EEFSEC: variants seen among roughly 807,000 people sequenced by gnomAD.
The protein encoded by EEFSEC is selenocysteine-specific elongation factor.
In EEFSEC, 43 loss-of-function variants were observed where a neutral mutation model predicts 42.1. That is an observed-to-expected ratio of 1.02 (90% CI 0.80 to 1.32). The LOEUF is 1.32. Among genes scored for constraint, EEFSEC ranks in the 40% most tolerant of loss-of-function variants. EEFSEC has a pLI of 0.00. For synonymous variants in EEFSEC, 354 were observed against 339.1 expected (o/e 1.04, Z -0.48); for missense variants, 745 against 803.6 (o/e 0.93, Z 0.88).
chr3:128,276,175 C>T (rs1240986464), intron 4 of EEFSEC, among the ~76,000 whole-genome samples: 1 of 152,190 alleles, frequency 6.6e-6, no homozygotes, highest in Admixed American at 6.5e-5. Flanking sequence ...CAGCCTCTGC[C>T]CTTGACAGTG....
chr3:128,172,835 C>T (rs555458581), intron 1 of EEFSEC, among the ~76,000 whole-genome samples: 4 of 152,314 alleles, frequency 2.6e-5, no homozygotes, highest in South Asian at 2.1e-4. Flanking sequence ...GCCATGCTGC[C>T]GCCTCGATCC....
chr3:128,163,696 T>C (rs1001992572), intron 1 of EEFSEC, among the ~76,000 whole-genome samples: 8 of 151,980 alleles, frequency 5.3e-5, no homozygotes, highest in Non-Finnish European at 1.0e-4. Flanking sequence ...CCAGGAGTCA[T>C]TCCCCATTCG....
chr3:128,341,485 C>A lies in EEFSEC; in HGVS notation c.1039C>A (p.Arg347=), dbSNP rs199603426. ...ITVGHETVMG[R]LMFFSPAPDN... ...AGTGGGCCATGAAACAGTCATGGGC[C>A]GGTTGATGTTCTTCAGTCCTGCTCC... is the stretch of plus-strand genomic sequence containing the variant. Residue 347 remains arginine (R), a synonymous_variant, in exon 5 of 7, where the codon CGG becomes AGG. Coordinates refer to ENST00000254730, the MANE Select transcript of EEFSEC (RefSeq NM_021937.5). 5.6e-6 allele frequency: 9 copies of A among 1,614,016 alleles called. No individual in the cohort carries two copies. Among genetic ancestry groups the A allele is most frequent in the Non-Finnish European group, 7.6e-6 (9 of 1,180,042 alleles).
rs372253146 is a variant in EEFSEC, at chr3:128,395,655, G to A, written c.1601-12414G>A. Among the ~76,000 whole-genome samples the A allele has an allele frequency of 9.8e-5, 15 of 152,316 alleles. No individual in the cohort carries two copies. The South Asian group carries it at 1.0e-3, about 11-fold the overall frequency. On this transcript the variant is annotated intron_variant, in intron 6 of 6. Coordinates refer to ENST00000254730, the MANE Select transcript of EEFSEC (RefSeq NM_021937.5). ...TGCCAGGCCTCCCTCACAGGGGATC[G>A]TGGCCGTGCAATGAGGCGGTGTCTG...
intron 4 of EEFSEC, among the ~76,000 whole-genome samples, chr3:128,302,446 T>C (rs1318423794): frequency 6.6e-6 from 1 of 152,150 alleles, no homozygotes; most frequent in African/African-American, 2.4e-5. Context: ...TTTAATGCCC[T>C]GATTTCCAGC....
chr3:128,239,534 G>C (rs1047387779), intron 1 of EEFSEC, among the ~76,000 whole-genome samples: 1 of 152,216 alleles, frequency 6.6e-6, no homozygotes, highest in Non-Finnish European at 1.5e-5. Context: ...CTCTGCCCCC[G>C]CCTGCCTCAG....
chr3:128,411,788 C>A (rs868030918), downstream of EEFSEC, among the ~76,000 whole-genome samples: 2 of 152,292 alleles, frequency 1.3e-5, no homozygotes, highest in Admixed American at 1.3e-4. Flanking sequence ...GATAACGTCT[C>A]GTAAACGGGA....
chr3:128,248,681 A>G lies in EEFSEC; in HGVS notation c.524+1638A>G, dbSNP rs141546318. ...AGAACAGGTCTTTTGGACTCCCGCAAAAAAACCCAGTACAACCTCAGTACT... is the reference window on the plus strand; with the variant it reads ...AGAACAGGTCTTTTGGACTCCCGCAGAAAAACCCAGTACAACCTCAGTACT... On this transcript the variant is annotated intron_variant, in intron 2 of 6. Coordinates refer to ENST00000254730, the MANE Select transcript of EEFSEC (RefSeq NM_021937.5). 1.5e-3 allele frequency among the ~76,000 whole-genome samples: 235 copies of G among 152,326 alleles called. 2 individuals carry two copies. Among genetic ancestry groups the G allele is most frequent in the Non-Finnish European group, 2.9e-3 (194 of 68,018 alleles).
Position 128,399,661 on chromosome 3 carries a change from G to T in EEFSEC, c.1601-8408G>T, listed in dbSNP as rs151335861. Reference sequence around the variant, plus strand: ...CAGAAGAGCCCAGCCTGACAAAGAGGTGGCTGGAGGATTCCAGAGTCGCTG... The same window carrying T: ...CAGAAGAGCCCAGCCTGACAAAGAGTTGGCTGGAGGATTCCAGAGTCGCTG... On this transcript the variant is annotated intron_variant, in intron 6 of 6. Coordinates refer to ENST00000254730, the MANE Select transcript of EEFSEC (RefSeq NM_021937.5). Among the ~76,000 whole-genome samples the T allele has an allele frequency of 2.6e-5, 4 of 152,158 alleles. No individual in the cohort carries two copies. In the East Asian group the frequency reaches 5.8e-4, roughly 22 times the overall value.
chr3:128,341,012 G>T (rs2067243678), intron 4 of EEFSEC, among the ~76,000 whole-genome samples: 1 of 152,190 alleles, frequency 6.6e-6, no homozygotes, highest in Non-Finnish European at 1.5e-5. Flanking sequence ...GGAGAGTGGG[G>T]CCCTGGCCCT....
At chr3:128,171,652 A>G (rs1185116850) in intron 1 of EEFSEC, among the ~76,000 whole-genome samples, 1 of 152,194 alleles carries the variant, frequency 6.6e-6, no homozygotes, top group Non-Finnish European at 1.5e-5. Context: ...GAAAAAAAGG[A>G]GATCTCCCTG....
intron 4 of EEFSEC, among the ~76,000 whole-genome samples, chr3:128,339,300 A>G (rs1367387386): frequency 6.6e-6 from 1 of 152,214 alleles, no homozygotes; most frequent in Non-Finnish European, 1.5e-5. Context: ...CTCATGGGCC[A>G]TTAGCAACAC....
chr3:128,247,185 A>T (rs552692157), intron 2 of EEFSEC, 142 bp downstream of exon 2: 6 of 859,460 alleles, frequency 7.0e-6, no homozygotes, highest in Non-Finnish European at 1.1e-5. Flanking sequence ...ATTTGCTCAC[A>T]TAAGGGCTGC....
chr3:128,388,990 C>G (rs978691257), intron 6 of EEFSEC, among the ~76,000 whole-genome samples: 1 of 152,088 alleles, frequency 6.6e-6, no homozygotes, highest in Non-Finnish European at 1.5e-5. Flanking sequence ...GTGCTGGGAC[C>G]CAGGAGCCAC....
intron 4 of EEFSEC, among the ~76,000 whole-genome samples, chr3:128,297,761 T>C (rs946084656): frequency 1.4e-4 from 6 of 43,856 alleles, no homozygotes; most frequent in Non-Finnish European, 3.3e-4. Context: ...ATTGAAAATA[T>C]CAACATGTTG....
At chr3:128,165,316 A>G (rs558055354) in intron 1 of EEFSEC, among the ~76,000 whole-genome samples, 1 of 152,374 alleles carries the variant, frequency 6.6e-6, no homozygotes, top group East Asian at 1.9e-4. Context: ...GCCTGCTTCC[A>G]TAGAAAATTG....
chr3:128,393,174 T>G (rs2107626443), intron 6 of EEFSEC, among the ~76,000 whole-genome samples: 1 of 152,318 alleles, frequency 6.6e-6, no homozygotes, highest in African/African-American at 2.4e-5. Context: ...TCAGGCCCTC[T>G]CTGAGGGCTT....
chr3:128,174,422 T>C (rs2065328096), intron 1 of EEFSEC, among the ~76,000 whole-genome samples: 1 of 152,260 alleles, frequency 6.6e-6, no homozygotes, highest in African/African-American at 2.4e-5. Context: ...TAAGTTTTTT[T>C]ATGTTTGCAA....
intron 1 of EEFSEC, among the ~76,000 whole-genome samples, chr3:128,217,027 T>G (rs1240597712): frequency 6.6e-6 from 1 of 152,188 alleles, no homozygotes; most frequent in East Asian, 1.9e-4. Context: ...TTATAAGTAT[T>G]TATATTTATC....
Sources: allele counts gnomAD v4.1 joint callset (sites outside exome capture counted in the v4.1 genomes callset), GRCh38; gene constraint gnomAD v4.1.1; transcripts MANE v1.5; gene names NCBI Gene and HGNC (gene_info 2026-07-23, HGNC 2026-07-21).